The following PPHLN1 variants were observed in gnomAD, a reference collection of about 807,000 sequenced individuals.
PPHLN1 encodes periphilin-1.
PPHLN1 carries 29 observed loss-of-function variants against 51.3 expected under a neutral mutation model. The observed-to-expected ratio is 0.57, with a 90% confidence interval of 0.42 to 0.77. The LOEUF (loss-of-function observed/expected upper bound fraction) is 0.77. PPHLN1 is among the 30% of genes least tolerant of loss of function. PPHLN1 has a pLI of 0.00. For synonymous variants in PPHLN1, 147 were observed against 147.8 expected, an observed-to-expected ratio of 0.99 and a Z score of 0.04; for missense variants, 436 against 438.4, an observed-to-expected ratio of 0.99 and a Z score of 0.05.
At chr12:42,381,373 G>A (rs1382516048) in intron 5 of PPHLN1, among the ~76,000 whole-genome samples, 1 of 152,196 alleles carries the variant, frequency 6.6e-6, no homozygotes, top group Non-Finnish European at 1.5e-5. Flanking sequence ...TATTCTGTCA[G>A]TAGCAAATGT....
chr12:42,439,223 A>G (rs1182283127), intron 9 of PPHLN1, among the ~76,000 whole-genome samples: 3 of 152,348 alleles, frequency 2.0e-5, no homozygotes, highest in East Asian at 3.9e-4. Flanking sequence ...TTTGAAAGGT[A>G]TAAGATCTGT....
In PPHLN1 at chr12:42,335,051, C is replaced by A. The variant is rs188513124; in HGVS notation, c.-20-832C>A. On this transcript the variant is annotated intron_variant, in intron 1 of 9. Coordinates refer to ENST00000358314, the MANE Select transcript of PPHLN1 (RefSeq NM_201439.2). ...CATTTCATATAAATGGTCTCTTTTC[C>A]CCTACCCTATTCTCATTTTCTCTTG... 2.4e-3 allele frequency among the ~76,000 whole-genome samples: 369 copies of A among 152,112 alleles called. 2 individuals carry two copies. Among genetic ancestry groups the A allele is most frequent in the African/African-American group, 8.5e-3 (351 of 41,496 alleles).
rs757384848 is a variant in PPHLN1, at chr12:42,374,973, G to A, written c.410G>A (p.Arg137Gln). 6 of 1,613,724 alleles carry A rather than the reference G, an allele frequency of 3.7e-6. No individual in the cohort carries two copies. The highest frequency in any genetic ancestry group is 4.2e-6 in the Non-Finnish European group (5 of 1,179,932). ...NTFFRESPVGRKDSPHSRSGS... is the reference protein window; with the variant it reads ...NTFFRESPVGQKDSPHSRSGS... The stretch of plus-strand genomic sequence containing the variant: ...TTTTTCAGAGAATCACCTGTTGGCC[G>A]AAAGGATTCTCCACACAGCAGATCT... The change falls in exon 5 of 10, where the codon CGA (arginine) becomes CAA (glutamine). Residue 137 changes from arginine to glutamine, a missense_variant. Transcript: ENST00000358314.
At chr12:42,427,552 A>G (rs760417155) in intron 9 of PPHLN1, among the ~76,000 whole-genome samples, 20 of 152,328 alleles carry the variant, frequency 1.3e-4, no homozygotes, top group South Asian at 1.2e-3. Context: ...GGTGCTGCCA[A>G]TGTAGGAGAA....
intron 7 of PPHLN1, among the ~76,000 whole-genome samples, chr12:42,390,065 G>A (rs1441959368): frequency 2.0e-5 from 3 of 152,212 alleles, no homozygotes; most frequent in East Asian, 1.9e-4. Context: ...TAGCCATAAC[G>A]GTTGTTACAT....
chr12:42,373,439 C>G (rs1174908879), intron 4 of PPHLN1, among the ~76,000 whole-genome samples: 2 of 152,170 alleles, frequency 1.3e-5, no homozygotes, highest in East Asian at 1.9e-4. Context: ...GGGTATTAAT[C>G]AGCTAGTGTT....
intron 9 of PPHLN1, chr12:42,431,736 C>G: frequency 1.9e-6 from 2 of 1,050,606 alleles, no homozygotes; most frequent in Non-Finnish European, 3.0e-6. Flanking sequence ...CTTTTCTTCT[C>G]CTGGAGTATG....
At chr12:42,401,385 C>A (rs1287369123) in intron 9 of PPHLN1, among the ~76,000 whole-genome samples, 2 of 151,944 alleles carry the variant, frequency 1.3e-5, no homozygotes, top group Non-Finnish European at 2.9e-5. Flanking sequence ...TAATATAATG[C>A]TGTTTTATGA....
rs113311122 is a variant in PPHLN1, at chr12:42,431,612, A to G, written c.910-9703A>G. 974 of 720,250 alleles carry G rather than the reference A, an allele frequency of 1.4e-3. 4 individuals are homozygous for G. In the African/African-American group the frequency reaches 0.016, roughly 12 times the overall value. The allele number at this position is 720,250 out of a possible 1,614,324, so 44.6% of individuals were successfully genotyped here. A position where few individuals can be genotyped will look rare whatever the true frequency, so the allele number is the denominator to read the frequency against. ...TATTCTATCTTTGGCAAGCTTGTAC[A>G]AGCACTGTTGTAAATGTAATGTAAA... On this transcript the variant is annotated intron_variant, in intron 9 of 9. Coordinates refer to ENST00000358314, the MANE Select transcript of PPHLN1 (RefSeq NM_201439.2).
chr12:42,348,157 C>T (rs1343739564), intron 2 of PPHLN1, among the ~76,000 whole-genome samples: 2 of 151,708 alleles, frequency 1.3e-5, no homozygotes. Flanking sequence ...GTTGCCCCAG[C>T]TGGAGTGCAG....
chr12:42,360,119 A>AAAAAAAAAAAAAAAAAG (rs755925900), intron 4 of PPHLN1, among the ~76,000 whole-genome samples: 1 of 150,290 alleles, frequency 6.7e-6, no homozygotes, highest in Non-Finnish European at 1.5e-5. Flanking sequence ...TCAAAAAAAA[A>AAAAAAAAAAAAAAAAAG]AAAAGAAAAA....
chr12:42,354,285 C>T (rs932109795), intron 3 of PPHLN1, among the ~76,000 whole-genome samples: 1 of 152,158 alleles, frequency 6.6e-6, no homozygotes, highest in Admixed American at 6.5e-5. Context: ...GTGGCAAGAA[C>T]TTGGCTCAGT....
chr12:42,363,384 A>C lies in PPHLN1; in HGVS notation c.299+8162A>C, dbSNP rs978210790. ...ACCACTGGGTGGGTGTTACAGGGCC[A>C]CCTTGCATTCACACCATCTTCCACA... On this transcript the variant is annotated intron_variant, in intron 4 of 9. Transcript: ENST00000358314. Among the ~76,000 whole-genome samples the C allele has an allele frequency of 4.0e-5, 6 of 150,994 alleles. No individual in the cohort carries two copies. In the Admixed American group the frequency reaches 4.0e-4, roughly 10 times the overall value.
intron 4 of PPHLN1, among the ~76,000 whole-genome samples, chr12:42,367,765 G>C (rs1001238223): frequency 1.3e-5 from 2 of 152,014 alleles, no homozygotes; most frequent in East Asian, 3.9e-4. Context: ...ACAGAGTCTC[G>C]CTCTGTTCCT....
At chr12:42,402,921 C>G (rs954982486) in intron 9 of PPHLN1, among the ~76,000 whole-genome samples, 1 of 152,210 alleles carries the variant, frequency 6.6e-6, no homozygotes, top group Non-Finnish European at 1.5e-5. Flanking sequence ...CCAACACTCA[C>G]TAGCTCTTGC....
downstream of PPHLN1, chr12:42,445,354 A>G: frequency 1.9e-6 from 1 of 519,366 alleles, no homozygotes; most frequent in Non-Finnish European, 3.5e-6. Context: ...CCAGATTGCC[A>G]GCTCACAGGC....
intron 4 of PPHLN1, among the ~76,000 whole-genome samples, chr12:42,374,389 A>G (rs2076058001): frequency 6.6e-6 from 1 of 152,140 alleles, no homozygotes; most frequent in African/African-American, 2.4e-5. Context: ...TCATTTTGTT[A>G]GCTGACTTCA....
chr12:42,339,316 A>G (rs545523855), intron 2 of PPHLN1, among the ~76,000 whole-genome samples: 5 of 152,132 alleles, frequency 3.3e-5, no homozygotes, highest in African/African-American at 9.6e-5. Flanking sequence ...CTCCTAGTTT[A>G]TACAAATCCT....
intron 4 of PPHLN1, among the ~76,000 whole-genome samples, chr12:42,370,593 G>A (rs1297365350): frequency 3.3e-5 from 5 of 151,934 alleles, no homozygotes; most frequent in South Asian, 2.1e-4. Flanking sequence ...TGTGTCTTGC[G>A]TTATCAGTTT....
Sources: gnomAD v4.1 joint callset for allele counts (sites outside exome capture counted in the v4.1 genomes callset) on GRCh38, gnomAD v4.1.1 for gene constraint, MANE v1.5 for transcripts, NCBI Gene and HGNC (gene_info 2026-07-23, HGNC 2026-07-21) for gene names.